ASPRV1: variants seen among roughly 807,000 people sequenced by gnomAD.
ASPRV1 encodes the protein retroviral-like aspartic protease 1.
ASPRV1 carries 7 observed loss-of-function variants against 11.0 expected under a neutral mutation model. The ratio of observed to expected loss-of-function variants is 0.64; its 90% CI spans 0.36 to 1.20. The LOEUF (loss-of-function observed/expected upper bound fraction) is 1.20, where lower values mean the gene tolerates loss of function less well. Among genes scored for constraint, ASPRV1 ranks in the 50% most tolerant of loss-of-function variants. The probability of loss-of-function intolerance (pLI) is 0.02; values close to 1 mark genes in which losing one functional copy is unlikely to be tolerated. For missense variants in ASPRV1, 299 were observed against 320.0 expected, an observed-to-expected ratio of 0.93 and a Z score of 0.50; for synonymous variants, 136 against 138.4, an observed-to-expected ratio of 0.98 and a Z score of 0.12.
the ASPRV1 span, among the ~76,000 whole-genome samples, chr2:69,967,955 GC>G: frequency 6.6e-6 from 1 of 152,118 alleles, no homozygotes; most frequent in Non-Finnish European, 1.5e-5. Flanking sequence ...GGTGGCGCAT[GC>G]CTGTAGTCCT....
At chr2:69,980,150 T>C in the ASPRV1 span, among the ~76,000 whole-genome samples, 1 of 152,162 alleles carries the variant, frequency 6.6e-6, no homozygotes, top group Non-Finnish European at 1.5e-5. Flanking sequence ...TTCAGTGACT[T>C]AGTAGGATGC....
At chr2:70,081,225 G>T in the ASPRV1 span, 1 of 152,148 alleles carries the variant, frequency 6.6e-6, no homozygotes, top group African/African-American at 2.4e-5. Context: ...GCTTCTGGCT[G>T]GAGGCTCACT....
the ASPRV1 span, among the ~76,000 whole-genome samples, chr2:70,029,787 A>C: frequency 6.6e-6 from 1 of 152,092 alleles, no homozygotes; most frequent in Non-Finnish European, 1.5e-5. Context: ...TTGTGTCCTC[A>C]GAATTCTCAT....
the ASPRV1 span, among the ~76,000 whole-genome samples, chr2:70,034,439 C>T: frequency 6.6e-6 from 1 of 151,126 alleles, no homozygotes; most frequent in Non-Finnish European, 1.5e-5. Context: ...GGCGTGGTGG[C>T]GCATGCCTGT....
chr2:70,023,151 C>T, the ASPRV1 span, among the ~76,000 whole-genome samples: 4 of 152,312 alleles, frequency 2.6e-5, no homozygotes, highest in Admixed American at 1.3e-4. Context: ...TAAGTAGTCC[C>T]GCCAGAACAG....
downstream of ASPRV1, among the ~76,000 whole-genome samples, chr2:69,959,409 G>T (rs1276385245): frequency 6.6e-6 from 1 of 152,076 alleles, no homozygotes; most frequent in Non-Finnish European, 1.5e-5. Context: ...TCCTCCCTTT[G>T]AGTTTCAGAT....
chr2:69,951,520 C>T, the ASPRV1 span, among the ~76,000 whole-genome samples: 4 of 145,272 alleles, frequency 2.8e-5, no homozygotes, highest in Non-Finnish European at 6.0e-5. Flanking sequence ...TAGATCTATA[C>T]ACACACACTC....
the ASPRV1 span, among the ~76,000 whole-genome samples, chr2:69,979,429 G>A: frequency 6.6e-6 from 1 of 152,172 alleles, no homozygotes; most frequent in Non-Finnish European, 1.5e-5. Context: ...TAGTCTCTGA[G>A]GGAAGAGTCT....
the ASPRV1 span, among the ~76,000 whole-genome samples, chr2:70,033,147 C>T: frequency 6.6e-6 from 1 of 152,120 alleles, no homozygotes; most frequent in South Asian, 2.1e-4. Context: ...CCCTTTGGCT[C>T]TGACTCCATT....
the ASPRV1 span, among the ~76,000 whole-genome samples, chr2:70,036,983 A>G: frequency 6.6e-6 from 1 of 152,170 alleles, no homozygotes; most frequent in South Asian, 2.1e-4. Context: ...GGGAAGAACC[A>G]AAATACCACC....
At chr2:70,039,832 A>T in the ASPRV1 span, among the ~76,000 whole-genome samples, 1 of 152,246 alleles carries the variant, frequency 6.6e-6, no homozygotes, top group African/African-American at 2.4e-5. Context: ...GAAAAGAAAG[A>T]ACCACATCCT....
chr2:70,044,027 T>C, the ASPRV1 span, among the ~76,000 whole-genome samples: 1 of 152,252 alleles, frequency 6.6e-6, no homozygotes, highest in Admixed American at 6.5e-5. Flanking sequence ...AACTCATTGG[T>C]GTCTCCTTCT....
the ASPRV1 span, among the ~76,000 whole-genome samples, chr2:69,995,737 T>C: frequency 2.0e-5 from 3 of 151,308 alleles, no homozygotes; most frequent in African/African-American, 7.3e-5. Flanking sequence ...TGTCCCAAGG[T>C]GGGAAGAGCA....
upstream of ASPRV1, chr2:69,963,532 T>C (rs1222786760): frequency 6.8e-6 from 3 of 441,652 alleles, no homozygotes; most frequent in Admixed American, 4.8e-5. Context: ...GAGGTTAGCA[T>C]GCGACCAAGG....
At chr2:70,002,083 T>A in the ASPRV1 span, among the ~76,000 whole-genome samples, 1 of 152,166 alleles carries the variant, frequency 6.6e-6, no homozygotes, top group Non-Finnish European at 1.5e-5. Context: ...AATATTAGCA[T>A]GATTTTTAAT....
the ASPRV1 span, among the ~76,000 whole-genome samples, chr2:69,934,888 T>C: frequency 6.6e-6 from 1 of 152,204 alleles, no homozygotes; most frequent in Non-Finnish European, 1.5e-5. Flanking sequence ...CAAATAAAGC[T>C]TCAACAAATA....
the ASPRV1 span, chr2:70,087,366 C>T: frequency 6.6e-6 from 1 of 152,348 alleles, no homozygotes; most frequent in East Asian, 1.9e-4. Flanking sequence ...TTGGCGCAAT[C>T]TTGTGACCTA....
chr2:70,083,675 A>C, the ASPRV1 span: 1 of 152,246 alleles, frequency 6.6e-6, no homozygotes, highest in Admixed American at 6.5e-5. Flanking sequence ...GGTATCCACA[A>C]GATAATGCAG....
At chr2:70,056,728 TGTTTTG>T in the ASPRV1 span, 1 of 20,206 alleles carries the variant, frequency 4.9e-5, no homozygotes, top group Non-Finnish European at 1.3e-4. Flanking sequence ...CAACTGCTTT[TGTTTTG>T]TTTTGTTTTG....
Sources: allele counts gnomAD v4.1 joint callset (sites outside exome capture counted in the v4.1 genomes callset), GRCh38; gene constraint gnomAD v4.1.1; transcripts MANE v1.5; gene names NCBI Gene and HGNC (gene_info 2026-07-23, HGNC 2026-07-21).